Variants in CDH4 observed in about 807,000 individuals in gnomAD.
CDH4 encodes cadherin 4.
CDH4 carries 33 observed loss-of-function variants against 86.0 expected under a neutral mutation model. The ratio of observed to expected loss-of-function variants is 0.38; its 90% CI spans 0.29 to 0.51. The LOEUF (loss-of-function observed/expected upper bound fraction) is 0.51, where lower values mean the gene tolerates loss of function less well. Ranked by LOEUF, CDH4 falls within the 20% of genes least tolerant of loss-of-function variation. CDH4 has a pLI of 0.86. For synonymous variants in CDH4, 555 were observed against 549.4 expected (o/e 1.01, Z -0.14); for missense variants, 1,114 against 1,307.4 (o/e 0.85, Z 2.28).
In CDH4 at chr20:61,602,063, G is replaced by T. The variant is rs549470998; in HGVS notation, c.170-141500G>T. Among the ~76,000 whole-genome samples the T allele has an allele frequency of 3.3e-5, 5 of 152,282 alleles. No individual in the cohort carries two copies. The South Asian group carries it at 1.0e-3, about 32-fold the overall frequency. ...TGACTCCCAAGAATGCACCTTCTCC[G>T]GGGGTGGAGCTGCGCCGTGCCCTGC... On this transcript the variant is annotated intron_variant, in intron 2 of 15. Coordinates refer to ENST00000614565, the MANE Select transcript of CDH4 (RefSeq NM_001794.5).
chr20:61,259,026 G>T (rs2084115747), intron 2 of CDH4, among the ~76,000 whole-genome samples: 1 of 152,208 alleles, frequency 6.6e-6, no homozygotes, highest in Non-Finnish European at 1.5e-5. Context: ...CACATGGTAG[G>T]TGTCCAAATT....
intron 2 of CDH4, chr20:61,738,130 C>T (rs1421888694): frequency 1.3e-5 from 2 of 152,226 alleles, no homozygotes; most frequent in Non-Finnish European, 2.9e-5. Flanking sequence ...TCCTCTGTGC[C>T]ACCTCCAGCA....
intron 4 of CDH4, among the ~76,000 whole-genome samples, chr20:61,826,028 G>A (rs1568836482): frequency 6.6e-6 from 1 of 152,126 alleles, no homozygotes; most frequent in Non-Finnish European, 1.5e-5. Flanking sequence ...ACCATCCTAT[G>A]TTATTGCCGC....
At chr20:61,442,672 A>G (rs2085320762) in intron 2 of CDH4, among the ~76,000 whole-genome samples, 1 of 152,256 alleles carries the variant, frequency 6.6e-6, no homozygotes, top group Non-Finnish European at 1.5e-5. Flanking sequence ...CTCATCCACG[A>G]TCAGTGACTT....
chr20:61,384,271 A>G (rs543203365), intron 2 of CDH4, among the ~76,000 whole-genome samples: 1 of 152,120 alleles, frequency 6.6e-6, no homozygotes, highest in Non-Finnish European at 1.5e-5. Flanking sequence ...AGTATTAACC[A>G]TCACAGGTGG....
Position 61,275,660 on chromosome 20 carries a change from G to A in CDH4, c.169+20723G>A, listed in dbSNP as rs147890898. ...TGCGCAGTTTGGGAGAGTACCATGC[G>A]CAGTTTGGGGGGAGTACCGTGTGCA... On this transcript the variant is annotated intron_variant, in intron 2 of 15. Transcript: ENST00000614565. 2.1e-3 allele frequency among the ~76,000 whole-genome samples: 255 copies of A among 118,994 alleles called. 1 individual carries two copies. The highest frequency in any genetic ancestry group is 8.0e-3 in the African/African-American group (241 of 30,210). 78.1% of individuals were successfully genotyped at this position (118,994 alleles called of 152,430 possible).
At chr20:61,840,832 C>A (rs1433290797) in intron 4 of CDH4, among the ~76,000 whole-genome samples, 1 of 152,248 alleles carries the variant, frequency 6.6e-6, no homozygotes, top group Non-Finnish European at 1.5e-5. Flanking sequence ...ATGCTCAGAG[C>A]CCGTGGATGC....
intron 2 of CDH4, among the ~76,000 whole-genome samples, chr20:61,693,926 T>C (rs1035860075): frequency 2.1e-5 from 3 of 140,488 alleles, no homozygotes; most frequent in Non-Finnish European, 4.5e-5. Context: ...AGAGTCTTGC[T>C]CTGTTGCCCA....
chr20:61,347,426 C>T (rs560436197), intron 2 of CDH4, among the ~76,000 whole-genome samples: 1 of 152,336 alleles, frequency 6.6e-6, no homozygotes, highest in East Asian at 1.9e-4. Context: ...ACACATTTCC[C>T]CCTCTTCATA....
At chr20:61,798,470 CGGG>C (rs1272502674) in intron 4 of CDH4, among the ~76,000 whole-genome samples, 7 of 152,208 alleles carry the variant, frequency 4.6e-5, no homozygotes, top group Non-Finnish European at 8.8e-5. Flanking sequence ...AGCGTGGCCC[CGGG>C]GTGCATCGCG....
At chr20:61,702,500 CTG>C (rs1900279501) in intron 2 of CDH4, among the ~76,000 whole-genome samples, 5 of 152,226 alleles carry the variant, frequency 3.3e-5, no homozygotes. Context: ...ACGCTTCGCA[CTG>C]TGTGTTGTTA....
chr20:61,851,320 G>A (rs1396043714), intron 5 of CDH4, among the ~76,000 whole-genome samples: 2 of 152,168 alleles, frequency 1.3e-5, no homozygotes, highest in African/African-American at 2.4e-5. Flanking sequence ...CAATGTAGGG[G>A]GTAAAATTCC....
At chr20:61,753,942 TGAA>T (rs1568796340) in intron 3 of CDH4, among the ~76,000 whole-genome samples, 4 of 152,084 alleles carry the variant, frequency 2.6e-5, no homozygotes, top group Admixed American at 1.3e-4. Context: ...ATGTAATTAG[TGAA>T]GAAGAAGTGA....
chr20:61,567,666 G>T (rs2145701076), intron 2 of CDH4, among the ~76,000 whole-genome samples: 1 of 152,374 alleles, frequency 6.6e-6, no homozygotes, highest in Non-Finnish European at 1.5e-5. Context: ...AAGGAGCAGG[G>T]CAGAGGGGAA....
At chr20:61,885,715 T>A (rs1215498768) in intron 7 of CDH4, among the ~76,000 whole-genome samples, 2 of 152,212 alleles carry the variant, frequency 1.3e-5, no homozygotes, top group East Asian at 3.8e-4. Context: ...CTGTTTTCCG[T>A]GGTGCCTGCA....
intron 2 of CDH4, among the ~76,000 whole-genome samples, chr20:61,357,444 C>T (rs1350552193): frequency 6.6e-6 from 1 of 152,188 alleles, no homozygotes; most frequent in African/African-American, 2.4e-5. Context: ...TCTGGGTTTC[C>T]CCGATTCCTG....
chr20:61,895,150 C>T (rs1985046538), intron 8 of CDH4, 103 bp downstream of exon 8: 1 of 1,387,014 alleles, frequency 7.2e-7, no homozygotes, highest in Non-Finnish European at 9.9e-7. Flanking sequence ...GCCTGACGGG[C>T]ACTTGGCAGA....
intron 5 of CDH4, among the ~76,000 whole-genome samples, chr20:61,847,937 C>T (rs1207189174): frequency 2.6e-5 from 4 of 152,238 alleles, no homozygotes; most frequent in Non-Finnish European, 4.4e-5. Flanking sequence ...CCACCAGGCC[C>T]ACCTCCAACA....
chr20:61,670,523 G>A (rs555538271), intron 2 of CDH4, among the ~76,000 whole-genome samples: 44 of 152,308 alleles, frequency 2.9e-4, no homozygotes, highest in African/African-American at 1.0e-3. Flanking sequence ...AGATAACAAA[G>A]GAGTGGTTCC....
Sources: gnomAD v4.1 joint callset for allele counts (sites outside exome capture counted in the v4.1 genomes callset) on GRCh38, gnomAD v4.1.1 for gene constraint, MANE v1.5 for transcripts, NCBI Gene and HGNC (gene_info 2026-07-23, HGNC 2026-07-21) for gene names.